The following ITPR2 variants were observed in gnomAD, a reference collection of about 807,000 sequenced individuals.
ITPR2 encodes inositol 1,4,5-trisphosphate-gated calcium channel ITPR2.
ITPR2 carries 207 observed loss-of-function variants against 317.1 expected under a neutral mutation model. That is an observed-to-expected ratio of 0.65 (90% CI 0.58 to 0.73). The LOEUF is 0.73. Ranked by LOEUF, ITPR2 falls within the 30% of genes least tolerant of loss-of-function variation. The probability of loss-of-function intolerance (pLI) is 0.00; values close to 1 mark genes in which losing one functional copy is unlikely to be tolerated. For missense variants in ITPR2, 2,613 were observed against 3,284.0 expected (o/e 0.80, Z 4.99); for synonymous variants, 1,156 against 1,149.1 (o/e 1.01, Z -0.12).
chr12:26,602,243 G>T, intron 28 of ITPR2, 127 bp downstream of exon 28: 2 of 925,190 alleles, frequency 2.2e-6, no homozygotes, highest in Non-Finnish European at 1.6e-6. Context: ...GCTCAGGGGT[G>T]ATGGGGCACC....
intron 37 of ITPR2, among the ~76,000 whole-genome samples, chr12:26,517,669 C>T (rs547070643): frequency 6.6e-6 from 1 of 152,254 alleles, no homozygotes; most frequent in South Asian, 2.1e-4. Context: ...AAAACCACAT[C>T]TCTCCTAAAA....
chr12:26,719,831 T>C (rs1267314909), intron 5 of ITPR2, among the ~76,000 whole-genome samples: 3 of 152,194 alleles, frequency 2.0e-5, no homozygotes, highest in East Asian at 1.9e-4. Context: ...TTGAAGAGTT[T>C]CTTTTTTCAA....
chr12:26,781,741 C>T (rs61920577), intron 2 of ITPR2, among the ~76,000 whole-genome samples: 2,928 of 151,994 alleles, frequency 0.019, 37 homozygotes, highest in South Asian at 0.048. Context: ...AGATTAACAT[C>T]TGAGTCAGTG....
chr12:26,534,742 C>T (rs1176133674), intron 37 of ITPR2, among the ~76,000 whole-genome samples: 1 of 151,944 alleles, frequency 6.6e-6, no homozygotes, highest in Admixed American at 6.6e-5. Flanking sequence ...AGGAATTGTC[C>T]CTAGTTTAGA....
intron 40 of ITPR2, 35 bp downstream of exon 40, chr12:26,487,033 A>T: frequency 6.4e-7 from 1 of 1,559,242 alleles, no homozygotes; most frequent in South Asian, 1.1e-5. Flanking sequence ...CTTTTCTCTC[A>T]CTCTGTTCTC....
intron 32 of ITPR2, among the ~76,000 whole-genome samples, chr12:26,591,423 G>T (rs1444563234): frequency 6.6e-6 from 1 of 152,154 alleles, no homozygotes; most frequent in East Asian, 1.9e-4. Context: ...TTATCCAAAA[G>T]ACAGGCAATA....
rs563530737 is a variant in ITPR2 at position 26,607,773 on chromosome 12, C to A, written c.3463-5067G>T. ...CCCCAAACCTTTTTTCCTTTTGCTC[C>A]GTCCCAAGACAAATAAAATAATGGC... On this transcript the variant is annotated intron_variant, in intron 26 of 56. Coordinates refer to ENST00000381340, the MANE Select transcript of ITPR2 (RefSeq NM_002223.4). 9.2e-5 allele frequency among the ~76,000 whole-genome samples: 14 copies of A among 152,226 alleles called. No homozygotes were observed. The South Asian group carries it at 2.5e-3, about 27-fold the overall frequency.
At chr12:26,416,795 TA>T (rs1165152818) in intron 50 of ITPR2, among the ~76,000 whole-genome samples, 1 of 152,342 alleles carries the variant, frequency 6.6e-6, no homozygotes, top group Admixed American at 6.5e-5. Flanking sequence ...TTATTAAATT[TA>T]TTTAAGCAGT....
At chr12:26,528,395 C>T (rs1261511194) in intron 37 of ITPR2, among the ~76,000 whole-genome samples, 2 of 152,194 alleles carry the variant, frequency 1.3e-5, no homozygotes, top group Non-Finnish European at 1.5e-5. Context: ...AACACTGCAT[C>T]TATCCCAGAA....
intron 55 of ITPR2, among the ~76,000 whole-genome samples, chr12:26,374,282 T>C (rs1268765838): frequency 2.6e-5 from 4 of 152,242 alleles, no homozygotes; most frequent in South Asian, 2.1e-4. Context: ...ACTCACTATT[T>C]AGCTATGTAA....
chr12:26,540,773 T>C (rs1296655660), intron 37 of ITPR2, among the ~76,000 whole-genome samples: 1 of 152,168 alleles, frequency 6.6e-6, no homozygotes, highest in Non-Finnish European at 1.5e-5. Flanking sequence ...TTTATCACTT[T>C]TATAGTCTAA....
At chr12:26,784,918 A>G (rs1236136688) in intron 2 of ITPR2, among the ~76,000 whole-genome samples, 1 of 37,070 alleles carries the variant, frequency 2.7e-5, no homozygotes, top group Non-Finnish European at 6.1e-5. Context: ...CCCCGCCGCC[A>G]TCCCATCTAG....
chr12:26,446,833 T>C (rs1941620274), intron 45 of ITPR2, among the ~76,000 whole-genome samples: 1 of 151,704 alleles, frequency 6.6e-6, no homozygotes, highest in Non-Finnish European at 1.5e-5. Context: ...TATACATATC[T>C]TTGAAAATTT....
At chr12:26,455,747 T>A (rs531662217) in intron 45 of ITPR2, among the ~76,000 whole-genome samples, 1 of 152,150 alleles carries the variant, frequency 6.6e-6, no homozygotes, top group Non-Finnish European at 1.5e-5. Context: ...AAGAAATATA[T>A]AACCTACTGG....
At chr12:26,585,716 T>A (rs1187165706) in intron 32 of ITPR2, among the ~76,000 whole-genome samples, 1 of 152,204 alleles carries the variant, frequency 6.6e-6, no homozygotes, top group Non-Finnish European at 1.5e-5. Context: ...TTTATAGCAT[T>A]TCTAATTATT....
At chr12:26,547,731 T>A (rs1008348120) in intron 37 of ITPR2, among the ~76,000 whole-genome samples, 2 of 152,202 alleles carry the variant, frequency 1.3e-5, no homozygotes, top group African/African-American at 4.8e-5. Context: ...CATAAAAAAA[T>A]GAAATCAGGT....
chr12:26,430,691 A>G (rs1193496055), intron 48 of ITPR2, among the ~76,000 whole-genome samples: 2 of 152,230 alleles, frequency 1.3e-5, no homozygotes, highest in Non-Finnish European at 2.9e-5. Context: ...TAATAATACA[A>G]AAAGTTTTAT....
At chr12:26,800,537 G>C (rs903068811) in intron 1 of ITPR2, among the ~76,000 whole-genome samples, 9 of 152,098 alleles carry the variant, frequency 5.9e-5, no homozygotes, top group Admixed American at 5.2e-4. Context: ...CTGAGGCAGG[G>C]GGATTTCTTG....
chr12:26,531,410 G>T (rs11613431), intron 37 of ITPR2, among the ~76,000 whole-genome samples: 1 of 151,984 alleles, frequency 6.6e-6, no homozygotes, highest in Non-Finnish European at 1.5e-5. Context: ...GAGCAGAAAC[G>T]AATTGTAGAG....
Sources: allele counts gnomAD v4.1 joint callset (sites outside exome capture counted in the v4.1 genomes callset), GRCh38; gene constraint gnomAD v4.1.1; transcripts MANE v1.5; gene names NCBI Gene and HGNC (gene_info 2026-07-23, HGNC 2026-07-21).